Variants in TRRAP observed in about 807,000 individuals in gnomAD.
The protein encoded by TRRAP is transformation/transcription domain associated protein, also known as transformation/transcription domain-associated protein.
A neutral mutation model predicts 438.8 loss-of-function variants in TRRAP; 41 were observed. The ratio of observed to expected loss-of-function variants is 0.09; its 90% CI spans 0.07 to 0.12. TRRAP has a LOEUF of 0.12. TRRAP is among the 10% of genes least tolerant of loss of function. The probability of loss-of-function intolerance (pLI) is 1.00; values close to 1 mark genes in which losing one functional copy is unlikely to be tolerated. For synonymous variants in TRRAP, 1,994 were observed against 1,962.9 expected, an observed-to-expected ratio of 1.02 and a Z score of -0.42; for missense variants, 3,122 against 5,055.1, an observed-to-expected ratio of 0.62 and a Z score of 11.60.
Position 98,900,614 on chromosome 7 carries a change from T to C in TRRAP, c.801-10T>C, listed in dbSNP as rs781980117. 1 of 1,605,464 alleles carries C rather than the reference T, an allele frequency of 6.2e-7. No homozygotes were observed. Among genetic ancestry groups the C allele is most frequent in the East Asian group, 2.2e-5 (1 of 44,798 alleles). ...TTGAGAGGTAATATTTTTGTTCTCTTCTTATTCAGGCAACATAAGCTTTAC... is the reference window on the plus strand; with the variant it reads ...TTGAGAGGTAATATTTTTGTTCTCTCCTTATTCAGGCAACATAAGCTTTAC... On this transcript the variant is annotated splice_polypyrimidine_tract_variant and intron_variant, in intron 10 of 72. Coordinates refer to ENST00000456197, the MANE Select transcript of TRRAP (RefSeq NM_001375524.1).
chr7:99,010,400 C>A (rs540580006), intron 70 of TRRAP, among the ~76,000 whole-genome samples: 2 of 152,186 alleles, frequency 1.3e-5, no homozygotes, highest in Non-Finnish European at 2.9e-5. Context: ...CATGTGTCGC[C>A]GGTGGCCTCC....
At chr7:98,944,183 C>T (rs1362807290) in intron 31 of TRRAP, among the ~76,000 whole-genome samples, 1 of 152,110 alleles carries the variant, frequency 6.6e-6, no homozygotes, top group African/African-American at 2.4e-5. Flanking sequence ...GCTGCTCTCC[C>T]TCTCTCATCT....
At chr7:98,932,736 G>T (rs1348767762) in intron 26 of TRRAP, among the ~76,000 whole-genome samples, 1 of 152,108 alleles carries the variant, frequency 6.6e-6, no homozygotes, top group Non-Finnish European at 1.5e-5. Context: ...CAATGTAAAT[G>T]CTATGTAAAT....
rs1554412629 is a variant in TRRAP at position 98,930,618 on chromosome 7, C to A, written c.3394-15C>A. ...TTGCAGTAACGTGTTGTGGTTTGTT[C>A]ATTTTCCTCTCCAGGCCTGCCAGCT... is the stretch of plus-strand genomic sequence containing the variant. On this transcript the variant is annotated splice_polypyrimidine_tract_variant and intron_variant, in intron 24 of 72. Coordinates refer to ENST00000456197, the MANE Select transcript of TRRAP (RefSeq NM_001375524.1). The A allele has an allele frequency of 6.2e-7, 1 of 1,612,516 alleles. No individual in the cohort carries two copies. The highest frequency in any genetic ancestry group is 1.7e-5 in the Admixed American group (1 of 59,992).
At chr7:98,898,611 T>A (rs1321535329) in intron 8 of TRRAP, among the ~76,000 whole-genome samples, 2 of 152,228 alleles carry the variant, frequency 1.3e-5, no homozygotes, top group Non-Finnish European at 2.9e-5. Context: ...TATTTTCTTT[T>A]TTCCTTGTCT....
In TRRAP at chr7:98,956,481, A is replaced by C. The variant is rs782592088; in HGVS notation, c.6179A>C (p.Asp2060Ala). The change falls in exon 43 of 73, where the codon GAT (aspartate) becomes GCT (alanine). Residue 2060 changes from aspartate to alanine, a missense_variant. Asp to Ala is a moderately radical substitution (Grantham distance 126, BLOSUM62 -2). Transcript: ENST00000456197. This position sits in a 1 kb window ranked among gnomAD's most constrained non-coding sequence, Gnocchi z 4.5. ...SSSIKRGLSV[D>A]SAQEVKRFRT... is the part of the protein sequence containing the mutation. ...TCCATTAAGAGAGGCCTGTCCGTGG[A>C]TTCTGCCCAGGAAGTGAAACGCTTT... 1.2e-6 allele frequency: 2 copies of C among 1,614,214 alleles called. No individual in the cohort carries two copies. Among genetic ancestry groups the C allele is most frequent in the Non-Finnish European group, 1.7e-6 (2 of 1,180,040 alleles).
rs750443047 is a variant in TRRAP at position 98,948,021 on chromosome 7, G to A, written c.4549-200G>A. On this transcript the variant is annotated intron_variant, in intron 33 of 72. Coordinates refer to ENST00000456197, the MANE Select transcript of TRRAP (RefSeq NM_001375524.1). This position sits in a 1 kb window ranked among gnomAD's most constrained non-coding sequence, Gnocchi z 4.9. ...CCTACAATGGACAGGAATGCTGAAG[G>A]CCACGGGCAGTCAGTTTCCTTAGGA... Among the ~76,000 whole-genome samples the A allele has an allele frequency of 4.6e-5, 7 of 152,298 alleles. No individual in the cohort carries two copies. The highest frequency in any genetic ancestry group is 3.3e-4 in the Admixed American group (5 of 15,304).
intron 62 of TRRAP, among the ~76,000 whole-genome samples, chr7:98,987,657 A>G (rs79228592): frequency 3.3e-5 from 5 of 152,334 alleles, no homozygotes; most frequent in East Asian, 1.9e-4. Context: ...TTCTCTTCCA[A>G]TAAGGATGCC....
At chr7:98,953,709 C>A (rs184828597) in intron 40 of TRRAP, among the ~76,000 whole-genome samples, 1 of 152,132 alleles carries the variant, frequency 6.6e-6, no homozygotes, top group Non-Finnish European at 1.5e-5. Context: ...GCAAACATTC[C>A]GGAGATGATG....
In TRRAP at chr7:98,990,196, C is replaced by T. The variant is rs185231589; in HGVS notation, c.9592-259C>T. On this transcript the variant is annotated intron_variant, in intron 63 of 72. Coordinates refer to ENST00000456197, the MANE Select transcript of TRRAP (RefSeq NM_001375524.1). ...TGAGCCAAGATCGCACCACGGCACT[C>T]CAGTCCTGGGTGACAAAGCAAGACT... Among the ~76,000 whole-genome samples the T allele has an allele frequency of 2.2e-4, 33 of 152,240 alleles. No homozygotes were observed. The East Asian group carries it at 5.6e-3, about 26-fold the overall frequency.
At chr7:98,937,951 G>C (rs1183002850) in intron 30 of TRRAP, 131 bp downstream of exon 30, 7 of 1,036,494 alleles carry the variant, frequency 6.8e-6, no homozygotes, top group Non-Finnish European at 9.0e-6. Flanking sequence ...GAGGTGGGTG[G>C]ATCGCTTGCA....
intron 21 of TRRAP, 115 bp downstream of exon 21, chr7:98,922,068 G>T: frequency 7.1e-7 from 1 of 1,406,844 alleles, no homozygotes; most frequent in East Asian, 2.5e-5. Flanking sequence ...AGAACCAGTT[G>T]TATCAGGTGA....
In TRRAP at chr7:98,890,563, A is replaced by C. The variant is rs1243619232; in HGVS notation, c.261+118A>C. ...ACGAAAGAGGTTTTGTCACATAAGG[A>C]TAACTTTGTTCAAGACCGCTGCCTC... On this transcript the variant is annotated intron_variant, in intron 4 of 72. Transcript: ENST00000456197. 6 of 737,466 alleles carry C rather than the reference A, an allele frequency of 8.1e-6. No individual in the cohort carries two copies. The South Asian group carries it at 1.4e-4, about 17-fold the overall frequency. The allele number at this position is 737,466 out of a possible 1,614,324, so 45.7% of individuals were successfully genotyped here. A position where few individuals can be genotyped will look rare whatever the true frequency, so the allele number is the denominator to read the frequency against.
chr7:98,925,641 C>T (rs1790015690), intron 22 of TRRAP, among the ~76,000 whole-genome samples: 2 of 152,212 alleles, frequency 1.3e-5, no homozygotes, highest in Admixed American at 1.3e-4. Flanking sequence ...TGATCTTTCT[C>T]CAGATATTTC....
chr7:98,956,677 C>G lies in TRRAP; in HGVS notation c.6231+144C>G. ...CAGCCACGGTCACCAGATTGAAACT[C>G]CAGGACATGTCACTCATGCAAGGGG... is the stretch of plus-strand genomic sequence containing the variant. On this transcript the variant is annotated intron_variant, in intron 43 of 72. Coordinates refer to ENST00000456197, the MANE Select transcript of TRRAP (RefSeq NM_001375524.1). The surrounding 1 kb of genome is among the most constrained non-coding windows in gnomAD (Gnocchi z 4.5). 7.3e-7 allele frequency: 1 copy of G among 1,364,170 alleles called. No homozygotes were observed. The highest frequency in any genetic ancestry group is 2.4e-5 in the East Asian group (1 of 42,202). The allele number at this position is 1,364,170 out of a possible 1,614,324, so 84.5% of individuals were successfully genotyped here.
intron 21 of TRRAP, among the ~76,000 whole-genome samples, chr7:98,923,612 G>A (rs564456469): frequency 6.6e-6 from 1 of 152,338 alleles, no homozygotes; most frequent in East Asian, 1.9e-4. Context: ...ATTTACAACT[G>A]CTACTGATCA....
rs782078885 is a variant in TRRAP at position 98,955,079 on chromosome 7, C to T, written c.5731-19C>T. 15 of 1,602,454 alleles carry T rather than the reference C, an allele frequency of 9.4e-6. No homozygotes were observed. The highest frequency in any genetic ancestry group is 4.5e-5 in the East Asian group (2 of 44,518). ...AGCCTTCCTTCTCATCCTCCATAAA[C>T]GTCTCTTCCCTGTTTTAGGTTTTTC... On this transcript the variant is annotated intron_variant, in intron 40 of 72. Transcript: ENST00000456197.
At chr7:98,999,698 C>T in intron 67 of TRRAP, 1 of 825,690 alleles carries the variant, frequency 1.2e-6, no homozygotes, top group South Asian at 1.5e-5. Context: ...GGTGGCAGTT[C>T]AGAGTTCAGC....
In TRRAP at chr7:99,011,952, T is replaced by A. The variant is rs73145605; in HGVS notation, c.11338-119T>A. 0.039 allele frequency: 51,775 copies of A among 1,329,800 alleles called. 1,154 individuals are homozygous for A. The highest frequency in any genetic ancestry group is 0.058 in the South Asian group (4,031 of 69,276). The allele number at this position is 1,329,800 out of a possible 1,614,324, so 82.4% of individuals were successfully genotyped here. On this transcript the variant is annotated intron_variant, in intron 72 of 72. Transcript: ENST00000456197. This position sits in a 1 kb window ranked among gnomAD's most constrained non-coding sequence, Gnocchi z 7.1. ...ACACAGCCTGGCCTGGTGCTGAAAC[T>A]CGACTGGCCCTTGGTGGCCCTGAGC...
Sources: gnomAD v4.1 joint callset for allele counts (sites outside exome capture counted in the v4.1 genomes callset) on GRCh38, gnomAD v4.1.1 for gene constraint, Gnocchi (gnomAD v3.1) non-coding constraint, MANE v1.5 for transcripts, NCBI Gene and HGNC (gene_info 2026-07-23, HGNC 2026-07-21) for gene names.